CPAP: variants seen among roughly 807,000 people sequenced by gnomAD.
The protein encoded by CPAP is centrosomal P4.1-associated protein.
the CPAP span, chr13:24,908,100 CT>C: frequency 1.2e-6 from 2 of 1,612,760 alleles, no homozygotes; most frequent in Non-Finnish European, 1.7e-6. Flanking sequence ...TGTTCTGTCA[CT>C]TTCTCCCAAC....
At chr13:24,888,578 TA>T in the CPAP span, among the ~76,000 whole-genome samples, 21,640 of 151,900 alleles carry the variant, frequency 0.14, 2,031 homozygotes, top group Admixed American at 0.26. Flanking sequence ...CTGCTGACAG[TA>T]AAAAAAACTG....
chr13:24,920,264 A>G, the CPAP span, among the ~76,000 whole-genome samples: 1 of 152,228 alleles, frequency 6.6e-6, no homozygotes, highest in Non-Finnish European at 1.5e-5. Flanking sequence ...AGTTGTTACA[A>G]TTGTTCAGTA....
At chr13:24,885,140 G>A in the CPAP span, 2 of 667,822 alleles carry the variant, frequency 3.0e-6, no homozygotes, top group Non-Finnish European at 5.3e-6. Context: ...GCCGCCTTTT[G>A]CTGAATCTCT....
the CPAP span, among the ~76,000 whole-genome samples, chr13:24,920,485 AT>A: frequency 6.6e-6 from 1 of 152,068 alleles, no homozygotes; most frequent in African/African-American, 2.4e-5. Context: ...AAAAATGCCA[AT>A]GTGATGTACA....
the CPAP span, among the ~76,000 whole-genome samples, chr13:24,918,144 A>G: frequency 2.0e-5 from 3 of 152,376 alleles, no homozygotes; most frequent in East Asian, 5.8e-4. Context: ...TTTAAAACAA[A>G]GCTACACTAT....
the CPAP span, chr13:24,892,815 GTTTCC>G: frequency 6.2e-7 from 1 of 1,611,566 alleles, no homozygotes; most frequent in East Asian, 2.2e-5. Context: ...TGACCATTTG[GTTTCC>G]TTTCTTTTCA....
chr13:24,882,396 AATT>A, the CPAP span: 1 of 152,130 alleles, frequency 6.6e-6, no homozygotes, highest in East Asian at 1.9e-4. Flanking sequence ...ACCAATCTGT[AATT>A]ATTTATTATA....
chr13:24,883,364 C>CCAT, the CPAP span: 7 of 1,597,296 alleles, frequency 4.4e-6, no homozygotes, highest in Non-Finnish European at 6.0e-6. Flanking sequence ...GAGTTTGTTG[C>CCAT]CATCACTGTA....
the CPAP span, chr13:24,884,490 C>G: frequency 6.2e-7 from 1 of 1,612,940 alleles, no homozygotes; most frequent in African/African-American, 1.3e-5. Flanking sequence ...AGATTATCAC[C>G]TAAGATTTTC....
At chr13:24,889,028 A>G in the CPAP span, 1 of 407,660 alleles carries the variant, frequency 2.5e-6, no homozygotes, top group Non-Finnish European at 4.5e-6. Context: ...GTTTCCTTTG[A>G]GCATCATGCT....
At chr13:24,920,938 G>A in the CPAP span, among the ~76,000 whole-genome samples, 1 of 152,030 alleles carries the variant, frequency 6.6e-6, no homozygotes, top group Non-Finnish European at 1.5e-5. Flanking sequence ...ATGTTTCCAT[G>A]TATATGAAGC....
At chr13:24,919,278 G>C in the CPAP span, among the ~76,000 whole-genome samples, 1 of 152,146 alleles carries the variant, frequency 6.6e-6, no homozygotes, top group Non-Finnish European at 1.5e-5. Context: ...ACAAGCACTT[G>C]TCTTTAGCTT....
At chr13:24,920,168 G>A in the CPAP span, among the ~76,000 whole-genome samples, 2 of 152,108 alleles carry the variant, frequency 1.3e-5, no homozygotes, top group East Asian at 1.9e-4. Flanking sequence ...TGTTTCCCTC[G>A]CTGATTCATT....
At chr13:24,883,397 C>G in the CPAP span, 3 of 1,491,332 alleles carry the variant, frequency 2.0e-6, no homozygotes, top group Admixed American at 5.7e-5. Context: ...AATATGATTT[C>G]TTAAAAAAAA....
chr13:24,904,185 A>G, the CPAP span: 1 of 1,083,434 alleles, frequency 9.2e-7, no homozygotes, highest in East Asian at 2.4e-5. Flanking sequence ...CATTAGAAAC[A>G]ATGCTTCAAA....
At chr13:24,917,033 G>A in the CPAP span, among the ~76,000 whole-genome samples, 2 of 152,128 alleles carry the variant, frequency 1.3e-5, no homozygotes, top group Non-Finnish European at 2.9e-5. Flanking sequence ...GGAGGATCAC[G>A]AGGTCAGGAG....
the CPAP span, chr13:24,913,092 C>T: frequency 2.1e-6 from 3 of 1,418,174 alleles, no homozygotes; most frequent in Non-Finnish European, 3.0e-6. Flanking sequence ...TTTCCAACAC[C>T]TGTAGACAAA....
the CPAP span, among the ~76,000 whole-genome samples, chr13:24,891,471 T>G: frequency 6.6e-6 from 1 of 152,132 alleles, no homozygotes; most frequent in Non-Finnish European, 1.5e-5. Context: ...GCTCCCTTCT[T>G]GCGGTTGCTC....
the CPAP span, chr13:24,883,457 G>T: frequency 0.99 from 1,069,860 of 1,076,666 alleles, 531,660 homozygotes; most frequent in Non-Finnish European, 1. Flanking sequence ...AGCCTTTTGA[G>T]TCTGGCAGCT....
Sources: gnomAD v4.1 joint callset for allele counts (sites outside exome capture counted in the v4.1 genomes callset) on GRCh38, gnomAD v4.1.1 for gene constraint, MANE v1.5 for transcripts, NCBI Gene and HGNC (gene_info 2026-07-23, HGNC 2026-07-21) for gene names.